Variants in ARHGEF11 observed in about 807,000 individuals in gnomAD.
The protein encoded by ARHGEF11 is Rho guanine nucleotide exchange factor 11.
A neutral mutation model predicts 193.7 loss-of-function variants in ARHGEF11; 55 were observed. The observed-to-expected ratio is 0.28, with a 90% confidence interval of 0.23 to 0.36. The LOEUF is 0.36. ARHGEF11 is among the 10% of genes least tolerant of loss of function. The probability of loss-of-function intolerance (pLI) is 1.00; values close to 1 mark genes in which losing one functional copy is unlikely to be tolerated. For synonymous variants in ARHGEF11, 693 were observed against 768.0 expected (o/e 0.90, Z 1.62); for missense variants, 1,723 against 2,005.6 (o/e 0.86, Z 2.69).
chr1:156,959,175 TG>T lies in ARHGEF11; in HGVS notation c.1283-34del, dbSNP rs1378901325. The T allele has an allele frequency of 2.5e-6, 4 of 1,587,110 alleles. No individual in the cohort carries two copies. In the African/African-American group the frequency reaches 5.4e-5, roughly 21 times the overall value. ...GGGAGATCAGAGAAAGCAGAGTGGATGGGGTACTGGGGGTGGAGGGGGATCC... is the reference window on the plus strand; with the variant it reads ...GGGAGATCAGAGAAAGCAGAGTGGATGGGTACTGGGGGTGGAGGGGGATCC... On this transcript the variant is annotated intron_variant, in intron 15 of 40. Coordinates refer to ENST00000368194, the MANE Select transcript of ARHGEF11 (RefSeq NM_198236.3).
chr1:156,987,687 C>T (rs956465427), intron 1 of ARHGEF11, among the ~76,000 whole-genome samples: 1 of 152,120 alleles, frequency 6.6e-6, no homozygotes, highest in Non-Finnish European at 1.5e-5. Context: ...CTTCGTTCCC[C>T]CTCACAATGG....
chr1:157,041,118 C>T (rs961339524), intron 1 of ARHGEF11, among the ~76,000 whole-genome samples: 2 of 152,152 alleles, frequency 1.3e-5, no homozygotes, highest in African/African-American at 4.8e-5. Flanking sequence ...GATGCAAACC[C>T]CTAACCCTCC....
chr1:157,003,225 G>A (rs1310462465), intron 1 of ARHGEF11, among the ~76,000 whole-genome samples: 1 of 152,226 alleles, frequency 6.6e-6, no homozygotes, highest in African/African-American at 2.4e-5. Context: ...CAAGTGAGAT[G>A]AAGCTGGGAT....
chr1:156,938,944 T>G, intron 37 of ARHGEF11: 1 of 189,548 alleles, frequency 5.3e-6, no homozygotes, highest in Non-Finnish European at 1.1e-5. Context: ...TCTATTGGCC[T>G]CCCTGTGAGC....
intron 1 of ARHGEF11, among the ~76,000 whole-genome samples, chr1:157,040,467 G>A (rs984206308): frequency 3.9e-5 from 6 of 152,220 alleles, no homozygotes; most frequent in African/African-American, 1.4e-4. Context: ...GGAGATCACA[G>A]AACAAATCCT....
At chr1:156,978,405 T>C (rs762651103) in intron 5 of ARHGEF11, 23 bp from the exon 6 acceptor site, 3 of 1,567,610 alleles carry the variant, frequency 1.9e-6, no homozygotes, top group South Asian at 1.2e-5. Context: ...AGAGAGAGAC[T>C]TGTTCCAGGA....
chr1:156,944,492 G>GAGCCT, intron 30 of ARHGEF11, 59 bp from the exon 31 acceptor site: 1 of 1,548,194 alleles, frequency 6.5e-7, no homozygotes, highest in Non-Finnish European at 8.9e-7. Context: ...AAGTGTTTGA[G>GAGCCT]AGCCTACTGT....
intron 1 of ARHGEF11, among the ~76,000 whole-genome samples, chr1:156,992,696 G>C (rs1419412243): frequency 6.6e-6 from 1 of 152,138 alleles, no homozygotes; most frequent in African/African-American, 2.4e-5. Flanking sequence ...TCAGTCAGAA[G>C]TTCTGGCATC....
chr1:157,043,657 C>T (rs148817698), intron 1 of ARHGEF11, among the ~76,000 whole-genome samples: 1 of 152,158 alleles, frequency 6.6e-6, no homozygotes, highest in Non-Finnish European at 1.5e-5. Flanking sequence ...GAGCATCAGC[C>T]GGTTGGCAGG....
In ARHGEF11 at chr1:156,977,054, C is replaced by G. The variant is rs1170870829; in HGVS notation, c.511G>C (p.Asp171His). The G allele has an allele frequency of 6.2e-7, 1 of 1,613,750 alleles. No homozygotes were observed. Among genetic ancestry groups the G allele is most frequent in the African/African-American group, 1.3e-5 (1 of 74,890 alleles). Residue 171 changes from aspartate to histidine, a missense_variant and splice_region_variant, in exon 7 of 41, where the codon GAT becomes CAT. This residue lies in a region of ARHGEF11 where 646 missense variants were observed against 710.7 expected (regional missense o/e 0.91). Transcript: ENST00000368194. ...QRITGPKPLQ[D>H]PEVQKHATQI... is the part of the protein sequence containing the mutation. ...GTGGCATGTTTTTGAACTTCGGGAT[C>G]CTAGACATGGAAAATATGGCAATAT...
In ARHGEF11 at chr1:156,946,956, T is replaced by C. The variant is rs1299695548; in HGVS notation, c.2548A>G (p.Ser850Gly). ...CATACCCGGGCCAGCATGAGGTCAC[T>C]GATCTCTTTGATGATGGGGCCTTCC... ...REEGPIIKEISDLMLARFDGP... is the reference protein window; with the variant it reads ...REEGPIIKEIGDLMLARFDGP... Residue 850 changes from serine (S) to glycine (G), a missense_variant, in exon 27 of 41, where the codon AGT becomes GGT. Around this residue, in one of 5 missense-constraint regions of ARHGEF11, gnomAD observed 491 missense variants for 654.5 expected, o/e 0.75. Coordinates refer to ENST00000368194, the MANE Select transcript of ARHGEF11 (RefSeq NM_198236.3). 1 of 1,613,980 alleles carries C rather than the reference T, an allele frequency of 6.2e-7. No individual in the cohort carries two copies. The highest frequency in any genetic ancestry group is 1.3e-5 in the African/African-American group (1 of 74,922).
In ARHGEF11 at chr1:157,044,637, G is replaced by A; in HGVS notation, c.-307C>T. 2 of 485,440 alleles carry A rather than the reference G, an allele frequency of 4.1e-6. No homozygotes were observed. The allele number at this position is 485,440 out of a possible 1,614,324, so 30.1% of individuals were successfully genotyped here. On this transcript the variant is annotated 5_prime_UTR_variant, in exon 1 of 41. Transcript: ENST00000368194. ...TCTCAGAAACCAAAAACCCAGCCAC[G>A]AATCTCTTCAAGGTTAGCACTATGG...
At chr1:157,005,887 A>G (rs1267422193) in intron 1 of ARHGEF11, among the ~76,000 whole-genome samples, 3 of 152,210 alleles carry the variant, frequency 2.0e-5, no homozygotes, top group African/African-American at 7.2e-5. Flanking sequence ...ATATACTTCT[A>G]CATCTCTGGT....
chr1:157,021,784 T>C (rs1670017891), intron 1 of ARHGEF11, among the ~76,000 whole-genome samples: 1 of 152,174 alleles, frequency 6.6e-6, no homozygotes, highest in South Asian at 2.1e-4. Flanking sequence ...TAAGACTCTA[T>C]TTGCAAAAAT....
chr1:156,996,267 G>A (rs1571415091), intron 1 of ARHGEF11, among the ~76,000 whole-genome samples: 1 of 152,278 alleles, frequency 6.6e-6, no homozygotes, highest in South Asian at 2.1e-4. Context: ...AACTAAATAA[G>A]AAACTGCATG....
intron 11 of ARHGEF11, among the ~76,000 whole-genome samples, chr1:156,963,951 G>A (rs948689989): frequency 6.6e-6 from 1 of 152,182 alleles, no homozygotes; most frequent in Non-Finnish European, 1.5e-5. Flanking sequence ...GTTGGGGGCT[G>A]TTTTACTTAA....
intron 5 of ARHGEF11, 51 bp from the exon 6 acceptor site, chr1:156,978,433 C>T: frequency 6.5e-7 from 1 of 1,530,500 alleles, no homozygotes; most frequent in South Asian, 1.3e-5. Context: ...TCTGGAGAGA[C>T]AGTCCAGCTA....
intron 1 of ARHGEF11, among the ~76,000 whole-genome samples, chr1:157,033,924 A>G (rs540973467): frequency 1.7e-4 from 26 of 152,302 alleles, no homozygotes; most frequent in African/African-American, 6.3e-4. Flanking sequence ...GTGCTATCAT[A>G]CTTACTTCTG....
chr1:156,949,454 G>A (rs1400113807), intron 22 of ARHGEF11, among the ~76,000 whole-genome samples: 2 of 152,140 alleles, frequency 1.3e-5, no homozygotes, highest in Admixed American at 1.3e-4. Context: ...TGTCTGCAGA[G>A]CTCTTAATAG....
Sources: allele counts gnomAD v4.1 joint callset (sites outside exome capture counted in the v4.1 genomes callset), GRCh38; gene constraint gnomAD v4.1.1; regional missense constraint gnomAD v4.1.1; transcripts MANE v1.5; gene names NCBI Gene and HGNC (gene_info 2026-07-23, HGNC 2026-07-21).